MAD2L2: variants seen among roughly 807,000 people sequenced by gnomAD.
The protein encoded by MAD2L2 is mitotic arrest deficient 2 like 2.
Under a neutral mutation model 30.5 loss-of-function variants are expected in MAD2L2, and 17 were observed. The ratio of observed to expected loss-of-function variants is 0.56; its 90% CI spans 0.38 to 0.84. The LOEUF is 0.84. Ranked by LOEUF, MAD2L2 falls within the 40% of genes least tolerant of loss-of-function variation. The pLI is 0.00. For missense variants in MAD2L2, 213 were observed against 277.4 expected, an observed-to-expected ratio of 0.77 and a Z score of 1.65; for synonymous variants, 101 against 113.9, an observed-to-expected ratio of 0.89 and a Z score of 0.72.
At chr1:11,675,545 G>T in intron 7 of MAD2L2, 113 bp downstream of exon 7, 1 of 1,037,240 alleles carries the variant, frequency 9.6e-7, no homozygotes, top group Non-Finnish European at 1.5e-6. Context: ...GGTGCCAGGC[G>T]CTGCCACACC....
Position 11,687,317 on chromosome 1 carries a change from G to C in MAD2L2, c.-692+4096C>G, listed in dbSNP as rs1640977349. On this transcript the variant is annotated intron_variant, in intron 1 of 10. Coordinates refer to the MAD2L2 transcript ENST00000235310. The surrounding 1 kb of genome is among the most constrained non-coding windows in gnomAD (Gnocchi z 4.1). ...GGCGGTGGTGCAATCTCGGCTCAAT[G>C]AAATCTCTGCCTCCCCGATTCAAGC... is the stretch of plus-strand genomic sequence containing the variant. Among the ~76,000 whole-genome samples the C allele has an allele frequency of 6.6e-6, 1 of 152,146 alleles. No individual in the cohort carries two copies. Among genetic ancestry groups the C allele is most frequent in the Non-Finnish European group, 1.5e-5 (1 of 68,034 alleles).
intron 4 of MAD2L2, chr1:11,677,199 G>C: frequency 1.6e-6 from 1 of 606,298 alleles, no homozygotes; most frequent in Non-Finnish European, 2.9e-6. Flanking sequence ...ATCAGGACTA[G>C]ATGGGGAAGA....
At chr1:11,686,390 C>G (rs1212021252) in intron 1 of MAD2L2, among the ~76,000 whole-genome samples, 1 of 152,178 alleles carries the variant, frequency 6.6e-6, no homozygotes, top group African/African-American at 2.4e-5. Context: ...TCTACTGATT[C>G]CCAGTGTTGC....
intron 7 of MAD2L2, 61 bp from the exon 8 acceptor site, chr1:11,675,235 G>T: frequency 8.3e-7 from 1 of 1,202,700 alleles, no homozygotes; most frequent in Non-Finnish European, 1.2e-6. Flanking sequence ...CCCTCACTTT[G>T]CTGTCCCTCC....
chr1:11,680,819 C>A, intron 1 of MAD2L2: 4 of 1,260,130 alleles, frequency 3.2e-6, no homozygotes, highest in Non-Finnish European at 4.0e-6. Context: ...ACTGGCCGCC[C>A]GCGCCCCCTC....
rs1296337465 is a variant in MAD2L2, at chr1:11,690,934, G to T, written c.-692+479C>A. 1.8e-5 allele frequency among the ~76,000 whole-genome samples: 2 copies of T among 110,600 alleles called. No individual in the cohort carries two copies. The highest frequency in any genetic ancestry group is 2.0e-4 in the Admixed American group (2 of 10,032). 72.6% of individuals were successfully genotyped at this position (110,600 alleles called of 152,430 possible). On this transcript the variant is annotated intron_variant, in intron 1 of 10. Coordinates refer to the MAD2L2 transcript ENST00000235310. This position sits in a 1 kb window ranked among gnomAD's most constrained non-coding sequence, Gnocchi z 4.2. ...CGAGAGCCGCGCCGCGTGTGAGTGT[G>T]TGTGTGTGTGTGTTTGTGTGTGTGT...
In MAD2L2 at chr1:11,687,795, T is replaced by C. The variant is rs1009217218; in HGVS notation, c.-692+3618A>G. ...GATTCATCCAGGTCGAATCACATAT[T>C]GATACTTCATTCCTTCGTAGAACCA... On this transcript the variant is annotated intron_variant, in intron 1 of 10. Coordinates refer to the MAD2L2 transcript ENST00000235310. The surrounding 1 kb of genome is among the most constrained non-coding windows in gnomAD (Gnocchi z 4.1). 6.6e-6 allele frequency among the ~76,000 whole-genome samples: 1 copy of C among 152,234 alleles called. No homozygotes were observed. The highest frequency in any genetic ancestry group is 1.5e-5 in the Non-Finnish European group (1 of 68,042).
chr1:11,676,478 C>T (rs950504683), intron 5 of MAD2L2, among the ~76,000 whole-genome samples: 19 of 152,162 alleles, frequency 1.2e-4, no homozygotes, highest in African/African-American at 4.1e-4. Flanking sequence ...TGCCTAAGGC[C>T]ACACAGGCCG....
In MAD2L2 at chr1:11,690,564, G is replaced by A. The variant is rs982517717; in HGVS notation, c.-692+849C>T. Reference sequence around the variant, plus strand: ...AGGAACACAGACATTTAGCCTGACGGCAGAACTGTGTTCTAAAACCTCAAA... The same window carrying A: ...AGGAACACAGACATTTAGCCTGACGACAGAACTGTGTTCTAAAACCTCAAA... On this transcript the variant is annotated intron_variant, in intron 1 of 10. Transcript: ENST00000235310. This position sits in a 1 kb window ranked among gnomAD's most constrained non-coding sequence, Gnocchi z 4.2. Among the ~76,000 whole-genome samples, 4 of 152,208 alleles carry A rather than the reference G, an allele frequency of 2.6e-5. No individual in the cohort carries two copies. Among genetic ancestry groups the A allele is most frequent in the African/African-American group, 9.6e-5 (4 of 41,452 alleles).
Position 11,674,551 on chromosome 1 carries a change from G to A in MAD2L2, c.*224C>T, listed in dbSNP as rs191836762. The A allele has an allele frequency of 3.2e-4, 178 of 555,452 alleles. No individual in the cohort carries two copies. Among genetic ancestry groups the A allele is most frequent in the South Asian group, 6.3e-4 (31 of 49,250 alleles). The allele number at this position is 555,452 out of a possible 1,614,324, so 34.4% of individuals were successfully genotyped here. ...GTATTTGAGACAGACAGTGTTGGCCGGCGGAACCCCAGGAGGCTGAGAAGT... is the reference window on the plus strand; with the variant it reads ...GTATTTGAGACAGACAGTGTTGGCCAGCGGAACCCCAGGAGGCTGAGAAGT... On this transcript the variant is annotated 3_prime_UTR_variant, in exon 9 of 9. Transcript: ENST00000376692. The surrounding 1 kb of genome is among the most constrained non-coding windows in gnomAD (Gnocchi z 6.1).
At chr1:11,676,528 A>G (rs1640772321) in intron 5 of MAD2L2, among the ~76,000 whole-genome samples, 1 of 152,146 alleles carries the variant, frequency 6.6e-6, no homozygotes, top group Non-Finnish European at 1.5e-5. Flanking sequence ...CCCTGACCTC[A>G]CCATTGGAAG....
chr1:11,678,464 TA>T (rs1195625215), intron 3 of MAD2L2, among the ~76,000 whole-genome samples: 1 of 152,150 alleles, frequency 6.6e-6, no homozygotes, highest in Non-Finnish European at 1.5e-5. Context: ...AATATACCAT[TA>T]GGGGTTCTTA....
Position 11,677,951 on chromosome 1 carries a change from G to A in MAD2L2, c.160-337C>T, listed in dbSNP as rs546184105. Among the ~76,000 whole-genome samples, 27 of 151,634 alleles carry A rather than the reference G, an allele frequency of 1.8e-4. No homozygotes were observed. The South Asian group carries it at 5.4e-3, about 30-fold the overall frequency. On this transcript the variant is annotated intron_variant, in intron 3 of 8. Coordinates refer to ENST00000376692, the MANE Select transcript of MAD2L2 (RefSeq NM_006341.4). ...CAGGCACCTTAGTCCCAGCTACTTG[G>A]CAGGCTAAGGCAAAAGAATCGCTTG...
upstream of MAD2L2, among the ~76,000 whole-genome samples, chr1:11,684,824 C>T (rs1028190718): frequency 4.6e-5 from 7 of 152,140 alleles, no homozygotes; most frequent in East Asian, 1.9e-4. Context: ...GATATCCTGA[C>T]GCTCAGGGGC....
Position 11,680,597 on chromosome 1 carries a change from G to A in MAD2L2, c.5C>T (p.Thr2Ile). 1 of 1,572,294 alleles carries A rather than the reference G, an allele frequency of 6.4e-7. No individual in the cohort carries two copies. Among genetic ancestry groups the A allele is most frequent in the Non-Finnish European group, 8.7e-7 (1 of 1,155,724 alleles). M[T>I]TLTRQDLNFG... is the part of the protein sequence containing the mutation. Reference sequence around the variant, plus strand: ...GTTGAGGTCTTGTCGTGTGAGCGTGGTCATCCTTCCCGCTACCTGAGTGTT... The same window carrying A: ...GTTGAGGTCTTGTCGTGTGAGCGTGATCATCCTTCCCGCTACCTGAGTGTT... Residue 2 changes from threonine to isoleucine, a missense_variant, in exon 2 of 9, where the codon ACC becomes ATC. By Grantham distance (89) the Thr-to-Ile change is moderately conservative (BLOSUM62 -1). Coordinates refer to ENST00000376692, the MANE Select transcript of MAD2L2 (RefSeq NM_006341.4).
At chr1:11,686,673 G>A (rs1640960641) in intron 1 of MAD2L2, among the ~76,000 whole-genome samples, 1 of 152,110 alleles carries the variant, frequency 6.6e-6, no homozygotes, top group Admixed American at 6.6e-5. Flanking sequence ...AAAGTGTTGG[G>A]ATTACAGGCT....
In MAD2L2 at chr1:11,690,772, T is replaced by G. The variant is rs1641047436; in HGVS notation, c.-692+641A>C. Among the ~76,000 whole-genome samples the G allele has an allele frequency of 6.6e-6, 1 of 152,046 alleles. No homozygotes were observed. Among genetic ancestry groups the G allele is most frequent in the South Asian group, 2.1e-4 (1 of 4,822 alleles). Reference sequence around the variant, plus strand: ...TGAGTTATGGGAGGCACGGGACCCATAACCCAGCATTCTCAGACTCCCAGG... The same window carrying G: ...TGAGTTATGGGAGGCACGGGACCCAGAACCCAGCATTCTCAGACTCCCAGG... On this transcript the variant is annotated intron_variant, in intron 1 of 10. Transcript: ENST00000235310. This position sits in a 1 kb window ranked among gnomAD's most constrained non-coding sequence, Gnocchi z 4.2.
rs1395636602 is a variant in MAD2L2, at chr1:11,679,996, T to G, written c.159+357A>C. 8.7e-5 allele frequency among the ~76,000 whole-genome samples: 8 copies of G among 91,840 alleles called. 1 individual carries two copies. Among genetic ancestry groups the G allele is most frequent in the African/African-American group, 2.2e-4 (6 of 26,780 alleles). The allele number at this position is 91,840 out of a possible 152,430, so 60.3% of individuals were successfully genotyped here. A position where few individuals can be genotyped will look rare whatever the true frequency, so the allele number is the denominator to read the frequency against. On this transcript the variant is annotated intron_variant, in intron 3 of 8. Transcript: ENST00000376692. ...CCGAAGTGGAAGAGGTTTTTTTTTT[T>G]TTTTTTTTTTTTTTTTGAGACGGAG...
In MAD2L2 at chr1:11,686,832, C is replaced by T. The variant is rs1306623435; in HGVS notation, c.-692+4581G>A. On this transcript the variant is annotated intron_variant, in intron 1 of 10. Transcript: ENST00000235310. ...TAAAAAAAAAAAAAAAAAAAAAAAA[C>T]TTCTCTGTGGAGATATAATTCACAA... Among the ~76,000 whole-genome samples, 4 of 115,904 alleles carry T rather than the reference C, an allele frequency of 3.5e-5. No individual in the cohort carries two copies. The East Asian group carries it at 8.1e-4, about 24-fold the overall frequency. 76.0% of individuals were successfully genotyped at this position (115,904 alleles called of 152,430 possible). A position where few individuals can be genotyped will look rare whatever the true frequency, so the allele number is the denominator to read the frequency against.
Sources: allele counts gnomAD v4.1 joint callset (sites outside exome capture counted in the v4.1 genomes callset), GRCh38; gene constraint gnomAD v4.1.1; non-coding constraint Gnocchi (gnomAD v3.1); transcripts MANE v1.5; gene names NCBI Gene and HGNC (gene_info 2026-07-23, HGNC 2026-07-21).